Variants in VPS13B observed in about 807,000 individuals in gnomAD.
VPS13B encodes intermembrane lipid transfer protein VPS13B.
VPS13B carries 285 observed loss-of-function variants against 426.4 expected under a neutral mutation model. The ratio of observed to expected loss-of-function variants is 0.67; its 90% CI spans 0.61 to 0.74. The LOEUF (loss-of-function observed/expected upper bound fraction) is 0.74, where lower values mean the gene tolerates loss of function less well. VPS13B is among the 30% of genes least tolerant of loss of function. VPS13B has a pLI of 0.00. For synonymous variants in VPS13B, 1,676 were observed against 1,676.4 expected (o/e 1.00, Z 0.01); for missense variants, 4,537 against 4,782.6 (o/e 0.95, Z 1.51).
intron 19 of VPS13B, among the ~76,000 whole-genome samples, chr8:99,315,586 A>G (rs1439409741): frequency 7.3e-5 from 11 of 149,674 alleles, no homozygotes; most frequent in Non-Finnish European, 1.0e-4. Flanking sequence ...TTATATCTCA[A>G]TGAGCTTCTT....
intron 16 of VPS13B, among the ~76,000 whole-genome samples, chr8:99,181,040 T>A (rs889097760): frequency 1.3e-5 from 2 of 152,208 alleles, no homozygotes; most frequent in Admixed American, 6.5e-5. Context: ...GAATATCTTT[T>A]ACTCAGCATG....
intron 19 of VPS13B, among the ~76,000 whole-genome samples, chr8:99,325,836 G>A (rs1293688553): frequency 6.6e-6 from 1 of 151,984 alleles, no homozygotes; most frequent in East Asian, 1.9e-4. Flanking sequence ...TTATCCCTTT[G>A]TATCTACATT....
intron 3 of VPS13B, among the ~76,000 whole-genome samples, chr8:99,054,694 T>C (rs1843738639): frequency 6.6e-6 from 1 of 152,208 alleles, no homozygotes; most frequent in African/African-American, 2.4e-5. Context: ...AAGTTTTAGC[T>C]CTTATATTTA....
intron 35 of VPS13B, chr8:99,697,146 C>G (rs556534759): frequency 1.4e-4 from 77 of 537,354 alleles, no homozygotes; most frequent in African/African-American, 1.4e-3. Context: ...ACTGCAGACT[C>G]TCCCAGAGAT....
intron 39 of VPS13B, among the ~76,000 whole-genome samples, chr8:99,738,697 T>C (rs989494342): frequency 6.6e-6 from 1 of 152,270 alleles, no homozygotes; most frequent in African/African-American, 2.4e-5. Flanking sequence ...TTGAAAATCT[T>C]CAGTTATTTT....
intron 33 of VPS13B, among the ~76,000 whole-genome samples, chr8:99,639,835 G>A (rs1290773919): frequency 6.7e-6 from 1 of 149,074 alleles, no homozygotes; most frequent in Admixed American, 6.7e-5. Context: ...GCTAGCCATG[G>A]TGGTGCATGC....
chr8:99,438,466 G>T (rs1588380286), intron 22 of VPS13B, among the ~76,000 whole-genome samples: 1 of 152,030 alleles, frequency 6.6e-6, no homozygotes. Flanking sequence ...TTTGCACACA[G>T]GCCCACATTC....
chr8:99,313,611 G>T (rs916923518), intron 19 of VPS13B, among the ~76,000 whole-genome samples: 1 of 152,110 alleles, frequency 6.6e-6, no homozygotes, highest in South Asian at 2.1e-4. Flanking sequence ...GGTACTCAGG[G>T]GTCATGGACC....
At chr8:99,144,435 G>A (rs1045915359) in intron 13 of VPS13B, among the ~76,000 whole-genome samples, 14 of 150,586 alleles carry the variant, frequency 9.3e-5, no homozygotes, top group African/African-American at 3.2e-4. Flanking sequence ...GTTGCAGTGA[G>A]CTGTGATTGT....
At chr8:99,651,260 T>G (rs1829803486) in intron 34 of VPS13B, among the ~76,000 whole-genome samples, 1 of 152,188 alleles carries the variant, frequency 6.6e-6, no homozygotes, top group Non-Finnish European at 1.5e-5. Context: ...ATTTTGAAAG[T>G]CCTATTAATA....
rs778096363 is a variant in VPS13B at position 99,784,373 on chromosome 8, C to T, written c.7838C>T (p.Thr2613Ile). 1.9e-6 allele frequency: 3 copies of T among 1,613,722 alleles called. No homozygotes were observed. The South Asian group carries it at 3.3e-5, about 18-fold the overall frequency. ...VFSHFVICND[T>I]QETLRFGQVD... ...AGCCATTTTGTGATCTGTAATGACA[C>T]ACAGGAGACACTGCGGTTTGGCCAG... The change falls in exon 43 of 62, where the codon ACA becomes ATA. Residue 2613 changes from threonine (T) to isoleucine (I), a missense_variant. Physicochemically the swap from Thr to Ile is moderately conservative, Grantham distance 89. Transcript: ENST00000357162.
At chr8:99,391,437 A>G in intron 20 of VPS13B, 120 bp from the exon 21 acceptor site, 4 of 1,489,298 alleles carry the variant, frequency 2.7e-6, no homozygotes, top group South Asian at 2.4e-5. Flanking sequence ...ATTTACAATA[A>G]TGAAGTCTCA....
intron 25 of VPS13B, among the ~76,000 whole-genome samples, chr8:99,497,921 A>G (rs1021709250): frequency 6.6e-6 from 1 of 152,114 alleles, no homozygotes; most frequent in African/African-American, 2.4e-5. Context: ...ACTTTTATTC[A>G]GAATGTAGAA....
chr8:99,761,354 A>T (rs1324334973), intron 39 of VPS13B, among the ~76,000 whole-genome samples: 7 of 152,178 alleles, frequency 4.6e-5, no homozygotes, highest in Admixed American at 4.6e-4. Flanking sequence ...ATTCTTCCAC[A>T]TCTCTTACTT....
intron 50 of VPS13B, among the ~76,000 whole-genome samples, chr8:99,823,200 G>A (rs1230825022): frequency 6.6e-6 from 1 of 152,118 alleles, no homozygotes; most frequent in African/African-American, 2.4e-5. Context: ...TGTGACCTTG[G>A]GGAAGTTACT....
chr8:99,464,368 A>C (rs538133104), intron 23 of VPS13B, among the ~76,000 whole-genome samples: 2 of 152,146 alleles, frequency 1.3e-5, no homozygotes, highest in Admixed American at 6.5e-5. Flanking sequence ...CCTCAAGTAC[A>C]TACACTTTTT....
intron 16 of VPS13B, among the ~76,000 whole-genome samples, chr8:99,180,689 C>G (rs1812901479): frequency 6.6e-6 from 1 of 151,992 alleles, no homozygotes; most frequent in African/African-American, 2.4e-5. Context: ...TGGTGCAGGT[C>G]TCAAGGTAGA....
chr8:99,849,969 A>G (rs1816178656), intron 55 of VPS13B, among the ~76,000 whole-genome samples: 1 of 148,402 alleles, frequency 6.7e-6, no homozygotes, highest in Non-Finnish European at 1.5e-5. Flanking sequence ...GTACGCATGT[A>G]TGTACTTATA....
chr8:99,584,403 C>T (rs907493147), intron 33 of VPS13B, among the ~76,000 whole-genome samples: 1 of 152,140 alleles, frequency 6.6e-6, no homozygotes, highest in East Asian at 1.9e-4. Context: ...CTATAGATTT[C>T]TTTGCCAGAA....
Sources: allele counts gnomAD v4.1 joint callset (sites outside exome capture counted in the v4.1 genomes callset), GRCh38; gene constraint gnomAD v4.1.1; transcripts MANE v1.5; gene names NCBI Gene and HGNC (gene_info 2026-07-23, HGNC 2026-07-21).